Variants in CRYL1 observed in about 807,000 individuals in gnomAD.
CRYL1 encodes lambda-crystallin homolog.
In CRYL1, 29 loss-of-function variants were observed where a neutral mutation model predicts 36.6. The observed-to-expected ratio is 0.79, with a 90% CI of 0.59 to 1.08. CRYL1 has a LOEUF of 1.08. Ranked by LOEUF, CRYL1 falls within the 50% of genes least tolerant of loss-of-function variation. CRYL1 has a pLI of 0.00. For missense variants in CRYL1, 411 were observed against 407.9 expected (o/e 1.01, Z -0.06); for synonymous variants, 152 against 151.5 (o/e 1.00, Z -0.02).
At chr13:20,487,762 G>C (rs923562983) in intron 3 of CRYL1, among the ~76,000 whole-genome samples, 1 of 149,350 alleles carries the variant, frequency 6.7e-6, no homozygotes. Flanking sequence ...CTGGGTGACA[G>C]AGCGAGACTC....
At chr13:20,460,681 A>G (rs544661883) in intron 3 of CRYL1, among the ~76,000 whole-genome samples, 7 of 151,662 alleles carry the variant, frequency 4.6e-5, no homozygotes, top group Admixed American at 4.6e-4. Context: ...GCCCGCCACT[A>G]CGCCCGGCTA....
At position 20,481,682 on chromosome 13, in the gene CRYL1, G is replaced by A. The variant is rs1281964501; in HGVS notation, c.276+7688C>T. Reference sequence around the variant, plus strand: ...TTCCAGCACTTTGGGAGGCCGAAGCGGGCAGATCACCTGAGGTCAGGAGTT... The same window carrying A: ...TTCCAGCACTTTGGGAGGCCGAAGCAGGCAGATCACCTGAGGTCAGGAGTT... On this transcript the variant is annotated intron_variant, in intron 3 of 7. Transcript: ENST00000298248. The surrounding 1 kb of genome is among the most constrained non-coding windows in gnomAD (Gnocchi z 4.1). Among the ~76,000 whole-genome samples the A allele has an allele frequency of 6.6e-6, 1 of 152,076 alleles. No individual in the cohort carries two copies. The highest frequency in any genetic ancestry group is 2.1e-4 in the South Asian group (1 of 4,824).
chr13:20,497,890 T>G (rs1019314952), intron 2 of CRYL1, among the ~76,000 whole-genome samples: 5 of 150,538 alleles, frequency 3.3e-5, no homozygotes, highest in South Asian at 2.1e-4. Flanking sequence ...ATATAAGGAT[T>G]TATACTCATA....
chr13:20,500,750 G>A (rs540820912), intron 2 of CRYL1, among the ~76,000 whole-genome samples: 17 of 152,206 alleles, frequency 1.1e-4, no homozygotes, highest in Non-Finnish European at 2.2e-4. Context: ...GAGACAGAAA[G>A]ATGGATGACC....
intron 1 of CRYL1, among the ~76,000 whole-genome samples, chr13:20,516,608 T>C (rs1297468599): frequency 6.6e-6 from 1 of 151,952 alleles, no homozygotes; most frequent in Non-Finnish European, 1.5e-5. Context: ...GCCTCCCAAG[T>C]AGCTGGGACT....
intron 4 of CRYL1, among the ~76,000 whole-genome samples, chr13:20,438,124 A>G (rs2032273997): frequency 6.6e-6 from 1 of 152,168 alleles, no homozygotes; most frequent in Non-Finnish European, 1.5e-5. Flanking sequence ...TCCTTATTTT[A>G]TAACCATTCC....
At chr13:20,494,600 C>A (rs1273510452) in intron 2 of CRYL1, among the ~76,000 whole-genome samples, 1 of 152,232 alleles carries the variant, frequency 6.6e-6, no homozygotes. Flanking sequence ...CTGCTCCAAG[C>A]CTTAGTAGGC....
chr13:20,406,683 G>A (rs1278817400), intron 6 of CRYL1, among the ~76,000 whole-genome samples: 1 of 152,052 alleles, frequency 6.6e-6, no homozygotes, highest in Non-Finnish European at 1.5e-5. Flanking sequence ...TAAAACTAAA[G>A]GAGACAAAAT....
At chr13:20,427,751 A>AT (rs2031964646) in intron 5 of CRYL1, among the ~76,000 whole-genome samples, 2 of 151,818 alleles carry the variant, frequency 1.3e-5, no homozygotes, top group South Asian at 4.2e-4. Context: ...AAAAAAAAAA[A>AT]ATCAATAAAA....
At chr13:20,406,808 A>G (rs887276177) in intron 6 of CRYL1, among the ~76,000 whole-genome samples, 1 of 151,880 alleles carries the variant, frequency 6.6e-6, no homozygotes, top group African/African-American at 2.4e-5. Context: ...CTGTGGCTGC[A>G]TATCCCCCCA....
At chr13:20,470,910 C>CAAAAAAAAAAAAAAA (rs11353451) in intron 3 of CRYL1, among the ~76,000 whole-genome samples, 10 of 40,898 alleles carry the variant, frequency 2.4e-4, no homozygotes, top group African/African-American at 8.7e-4. Context: ...AACTCCATCT[C>CAAAAAAAAAAAAAAA]AAAAAAAAAA....
Position 20,525,740 on chromosome 13 carries a change from T to A in CRYL1, c.41+14A>T. On this transcript the variant is annotated intron_variant, in intron 1 of 7. Transcript: ENST00000298248. The surrounding 1 kb of genome is among the most constrained non-coding windows in gnomAD (Gnocchi z 4.3). The stretch of plus-strand genomic sequence containing the variant: ...CGGGCTCCAGGGGCAGCAGCGCGGC[T>A]CGGAGCCCTTTACCTGCCAACGATC... 7.4e-7 allele frequency: 1 copy of A among 1,345,996 alleles called. No individual in the cohort carries two copies. Among genetic ancestry groups the A allele is most frequent in the Non-Finnish European group, 9.6e-7 (1 of 1,044,810 alleles). The allele number at this position is 1,345,996 out of a possible 1,614,324, so 83.4% of individuals were successfully genotyped here.
At chr13:20,487,735 C>T (rs2033428987) in intron 3 of CRYL1, among the ~76,000 whole-genome samples, 1 of 151,934 alleles carries the variant, frequency 6.6e-6, no homozygotes, top group South Asian at 2.1e-4. Context: ...GCCAAGATCA[C>T]ACTACTGAAC....
rs1353766630 is a variant in CRYL1, at chr13:20,435,050, C to T, written c.439-2754G>A. On this transcript the variant is annotated intron_variant, in intron 4 of 7. Coordinates refer to ENST00000298248, the MANE Select transcript of CRYL1 (RefSeq NM_015974.3). This position sits in a 1 kb window ranked among gnomAD's most constrained non-coding sequence, Gnocchi z 4.0. Reference sequence around the variant, plus strand: ...GCAGCAGAAAGCTAGGTTCAGGTGCCGCGGCTGGGGTGGAGCTGTGGAAAG... The same window carrying T: ...GCAGCAGAAAGCTAGGTTCAGGTGCTGCGGCTGGGGTGGAGCTGTGGAAAG... 6.6e-6 allele frequency among the ~76,000 whole-genome samples: 1 copy of T among 151,990 alleles called. No individual in the cohort carries two copies. Among genetic ancestry groups the T allele is most frequent in the Non-Finnish European group, 1.5e-5 (1 of 67,992 alleles).
In CRYL1 at chr13:20,431,977, C is replaced by G. The variant is rs770313480; in HGVS notation, c.633+125G>C. 12 of 1,560,422 alleles carry G rather than the reference C, an allele frequency of 7.7e-6. No individual in the cohort carries two copies. The Admixed American group carries it at 2.3e-4, about 30-fold the overall frequency. On this transcript the variant is annotated intron_variant, in intron 5 of 7. Coordinates refer to ENST00000298248, the MANE Select transcript of CRYL1 (RefSeq NM_015974.3). ...GAATAGAGCAAGAAGAAGCAAGCAG[C>G]CTCTGACTTTCCCAGCTTCCAGGCT...
chr13:20,434,253 G>C (rs1402110788), intron 4 of CRYL1, among the ~76,000 whole-genome samples: 1 of 152,164 alleles, frequency 6.6e-6, no homozygotes. Flanking sequence ...AACTTGGGGA[G>C]CTTTTCTGTC....
At chr13:20,460,574 G>A (rs1012328612) in intron 3 of CRYL1, among the ~76,000 whole-genome samples, 4 of 132,424 alleles carry the variant, frequency 3.0e-5, no homozygotes, top group African/African-American at 5.8e-5. Context: ...CGCCCAGGCT[G>A]GAGTGCAGTG....
At chr13:20,424,351 G>A (rs1241289277) in intron 5 of CRYL1, among the ~76,000 whole-genome samples, 1 of 152,196 alleles carries the variant, frequency 6.6e-6, no homozygotes, top group Non-Finnish European at 1.5e-5. Flanking sequence ...AGGAGCTGAG[G>A]AAGAGGACAG....
At chr13:20,426,913 A>G (rs554871913) in intron 5 of CRYL1, 116 of 985,604 alleles carry the variant, frequency 1.2e-4, no homozygotes, top group Admixed American at 1.8e-4. Context: ...GCAGTCCAGC[A>G]CAGGGATGAC....
Sources: allele counts gnomAD v4.1 joint callset (sites outside exome capture counted in the v4.1 genomes callset), GRCh38; gene constraint gnomAD v4.1.1; non-coding constraint Gnocchi (gnomAD v3.1); transcripts MANE v1.5; gene names NCBI Gene and HGNC (gene_info 2026-07-23, HGNC 2026-07-21).